NDST1: variants seen among roughly 807,000 people sequenced by gnomAD.
The protein encoded by NDST1 is bifunctional heparan sulfate N-deacetylase/N-sulfotransferase 1.
Under a neutral mutation model 92.8 loss-of-function variants are expected in NDST1, and 35 were observed. The ratio of observed to expected loss-of-function variants is 0.38; its 90% CI spans 0.29 to 0.50. The LOEUF is 0.50. NDST1 is among the 20% of genes least tolerant of loss of function. NDST1 has a pLI of 0.94. For synonymous variants in NDST1, 493 were observed against 500.3 expected, an observed-to-expected ratio of 0.99 and a Z score of 0.19; for missense variants, 822 against 1,182.7, an observed-to-expected ratio of 0.69 and a Z score of 4.47.
intron 1 of NDST1, among the ~76,000 whole-genome samples, chr5:150,502,062 C>T (rs1184270545): frequency 1.3e-5 from 2 of 152,178 alleles, no homozygotes; most frequent in Non-Finnish European, 2.9e-5. Context: ...CATGTGGAGA[C>T]AGGTAGGGCC....
At chr5:150,547,214 C>T (rs1755526620) in intron 11 of NDST1, among the ~76,000 whole-genome samples, 2 of 152,112 alleles carry the variant, frequency 1.3e-5, no homozygotes, top group African/African-American at 2.4e-5. Context: ...CTTTTTCTGT[C>T]CATGATCAAG....
chr5:150,537,949 C>T (rs746228235), intron 6 of NDST1, among the ~76,000 whole-genome samples: 6 of 152,128 alleles, frequency 3.9e-5, no homozygotes, highest in Non-Finnish European at 7.3e-5. Context: ...TGGTTTCCCC[C>T]AATACATGTG....
In NDST1 at chr5:150,521,699, G is replaced by A. The variant is rs375384137; in HGVS notation, c.445G>A (p.Ala149Thr). 18 of 1,614,052 alleles carry A rather than the reference G, an allele frequency of 1.1e-5. No individual in the cohort carries two copies. Among genetic ancestry groups the A allele is most frequent in the Non-Finnish European group, 1.5e-5 (18 of 1,180,034 alleles). The change falls in exon 2 of 15, where the codon GCC becomes ACC. Residue 149 changes from alanine to threonine, a missense_variant. Coordinates refer to ENST00000261797, the MANE Select transcript of NDST1 (RefSeq NM_001543.5). The surrounding 1 kb of genome is among the most constrained non-coding windows in gnomAD (Gnocchi z 5.9). ...ENILKYVNLD[A>T]WNRELLDKYC... ...CATCCTCAAGTATGTCAACCTGGAC[G>A]CCTGGAACCGGGAGCTGCTGGACAA...
At chr5:150,523,513 A>G (rs1754332835) in intron 2 of NDST1, among the ~76,000 whole-genome samples, 1 of 152,260 alleles carries the variant, frequency 6.6e-6, no homozygotes, top group Non-Finnish European at 1.5e-5. Context: ...GAGGATAAGC[A>G]ATGTGTCCAA....
intron 3 of NDST1, among the ~76,000 whole-genome samples, chr5:150,529,390 C>CA (rs11418788): frequency 0.37 from 23,912 of 64,358 alleles, 4,677 homozygotes; most frequent in Non-Finnish European, 0.48. Context: ...GACCCTGTCT[C>CA]AAAAAAAAAA....
chr5:150,540,176 C>T lies in NDST1; in HGVS notation c.1661C>T (p.Thr554Met), dbSNP rs2151293810. 1 of 1,614,212 alleles carries T rather than the reference C, an allele frequency of 6.2e-7. No homozygotes were observed. ...KHLVRFLHSW[T>M]NLRLQTLPPV... ...CTGGTGCGCTTCCTGCACTCCTGGACGAACCTCCGGCTGCAGACACTGCCC... is the reference window on the plus strand; with the variant it reads ...CTGGTGCGCTTCCTGCACTCCTGGATGAACCTCCGGCTGCAGACACTGCCC... The change falls in exon 8 of 15, where the codon ACG (threonine) becomes ATG (methionine). Residue 554 changes from threonine (T) to methionine (M), a missense_variant. Coordinates refer to ENST00000261797, the MANE Select transcript of NDST1 (RefSeq NM_001543.5).
In NDST1 at chr5:150,521,050, G is replaced by C; in HGVS notation, c.-205G>C. ...AAGGGGCGCGGAGGAAGGAAGGAGC[G>C]TGACCAGCCTGTGGACTGCGCCCCT... is the stretch of plus-strand genomic sequence containing the variant. On this transcript the variant is annotated 5_prime_UTR_variant, in exon 2 of 15. Transcript: ENST00000261797. The surrounding 1 kb of genome is among the most constrained non-coding windows in gnomAD (Gnocchi z 5.9). 1.7e-6 allele frequency: 1 copy of C among 603,220 alleles called. No homozygotes were observed. Among genetic ancestry groups the C allele is most frequent in the South Asian group, 2.0e-5 (1 of 50,300 alleles). The allele number at this position is 603,220 out of a possible 1,614,324, so 37.4% of individuals were successfully genotyped here.
chr5:150,537,052 G>A (rs1249206831), intron 6 of NDST1, among the ~76,000 whole-genome samples: 1 of 152,248 alleles, frequency 6.6e-6, no homozygotes, highest in African/African-American at 2.4e-5. Flanking sequence ...AACATAAATT[G>A]TGAAGATTTC....
At chr5:150,503,096 G>A (rs751283459) in intron 1 of NDST1, among the ~76,000 whole-genome samples, 1 of 152,132 alleles carries the variant, frequency 6.6e-6, no homozygotes, top group Non-Finnish European at 1.5e-5. Flanking sequence ...AAATGGGCCA[G>A]TGATAGTACC....
rs1308653415 is a variant in NDST1, at chr5:150,556,663, T to A, written c.*3331T>A. On this transcript the variant is annotated 3_prime_UTR_variant, in exon 15 of 15. Transcript: ENST00000261797. ...ACATTGCAAACATCATGAAACTTGA[T>A]CCCTGAAAGCTTCAGCCTGCATCTC... 1.3e-5 allele frequency: 2 copies of A among 152,238 alleles called. No individual in the cohort carries two copies. The highest frequency in any genetic ancestry group is 2.9e-5 in the Non-Finnish European group (2 of 68,056). The allele number at this position is 152,238 out of a possible 1,614,324, so 9.4% of individuals were successfully genotyped here.
Position 150,541,578 on chromosome 5 carries a change from C to T in NDST1, c.1758C>T (p.Cys586=), listed in dbSNP as rs112616379. ...EEKDPLWQDP[C]EDKRHKDIWS... is the part of the protein sequence containing the mutation. The stretch of plus-strand genomic sequence containing the variant: ...TTCCACTGTTGTTTTAGGACCCCTG[C>T]GAGGACAAACGTCACAAAGACATCT... The change falls in exon 9 of 15, where the codon TGC becomes TGT. Residue 586 remains cysteine (C), a synonymous_variant. Coordinates refer to ENST00000261797, the MANE Select transcript of NDST1 (RefSeq NM_001543.5). The T allele has an allele frequency of 6.9e-5, 112 of 1,614,184 alleles. 2 individuals carry two copies. The highest frequency in any genetic ancestry group is 5.5e-4 in the South Asian group (50 of 91,080).
intron 2 of NDST1, among the ~76,000 whole-genome samples, chr5:150,526,635 G>A (rs1348734109): frequency 6.6e-6 from 1 of 152,130 alleles, no homozygotes. Flanking sequence ...ATATAATATT[G>A]CAGCTGAGGT....
At chr5:150,502,316 A>T (rs1004601444) in intron 1 of NDST1, among the ~76,000 whole-genome samples, 1 of 152,102 alleles carries the variant, frequency 6.6e-6, no homozygotes, top group Non-Finnish European at 1.5e-5. Context: ...ATTTTGCAGG[A>T]TGAGCTGATG....
At chr5:150,536,026 AC>A (rs1434180715) in intron 6 of NDST1, 141 bp downstream of exon 6, 2 of 997,072 alleles carry the variant, frequency 2.0e-6, no homozygotes, top group African/African-American at 1.6e-5. Context: ...CTCCTCTGGC[AC>A]CCGAGGCTCT....
At chr5:150,524,455 T>G (rs948439359) in intron 2 of NDST1, among the ~76,000 whole-genome samples, 1 of 152,238 alleles carries the variant, frequency 6.6e-6, no homozygotes, top group African/African-American at 2.4e-5. Context: ...GCCTCAACCT[T>G]GAAATTCCAG....
Position 150,553,500 on chromosome 5 carries a change from C to T in NDST1, c.*168C>T. The T allele has an allele frequency of 1.1e-6, 1 of 874,688 alleles. No individual in the cohort carries two copies. The highest frequency in any genetic ancestry group is 1.8e-6 in the Non-Finnish European group (1 of 541,834). 54.2% of individuals were successfully genotyped at this position (874,688 alleles called of 1,614,324 possible). A position where few individuals can be genotyped will look rare whatever the true frequency, so the allele number is the denominator to read the frequency against. ...GGGAGCACCCAGGCGGATCTGCAAGCACCTCGGAGCACCCACCGCTGGGTC... is the reference window on the plus strand; with the variant it reads ...GGGAGCACCCAGGCGGATCTGCAAGTACCTCGGAGCACCCACCGCTGGGTC... On this transcript the variant is annotated 3_prime_UTR_variant, in exon 15 of 15. Coordinates refer to ENST00000261797, the MANE Select transcript of NDST1 (RefSeq NM_001543.5). The surrounding 1 kb of genome is among the most constrained non-coding windows in gnomAD (Gnocchi z 4.2).
At chr5:150,545,990 T>TC (rs1280142821) in intron 11 of NDST1, among the ~76,000 whole-genome samples, 1 of 126,010 alleles carries the variant, frequency 7.9e-6, no homozygotes, top group East Asian at 2.5e-4. Flanking sequence ...ACCAGAGCTG[T>TC]CTTTTTTTTT....
chr5:150,521,460 C>T lies in NDST1; in HGVS notation c.206C>T (p.Pro69Leu), dbSNP rs750456010. ...CCTGTGGCCCCCAGTCGCCTGCTGC[C>T]ACTCAAGCCTGTGCAGGCAGCCACC... Reference protein sequence around the residue: ...PPPVAPSRLLPLKPVQAATPS... With the variant: ...PPPVAPSRLLLLKPVQAATPS... The change falls in exon 2 of 15, where the codon CCA becomes CTA. Residue 69 changes from proline (P) to leucine (L), a missense_variant. Pro to Leu is a moderately conservative substitution (Grantham distance 98, BLOSUM62 -3). Coordinates refer to ENST00000261797, the MANE Select transcript of NDST1 (RefSeq NM_001543.5). The surrounding 1 kb of genome is among the most constrained non-coding windows in gnomAD (Gnocchi z 5.9). 19 of 1,613,626 alleles carry T rather than the reference C, an allele frequency of 1.2e-5. No individual in the cohort carries two copies. The East Asian group carries it at 3.8e-4, about 32-fold the overall frequency.
chr5:150,536,823 C>G (rs1301711186), intron 6 of NDST1, among the ~76,000 whole-genome samples: 1 of 152,222 alleles, frequency 6.6e-6, no homozygotes, highest in Non-Finnish European at 1.5e-5. Flanking sequence ...CCTTGGCCTC[C>G]CAAAGTGCCA....
Sources: allele counts gnomAD v4.1 joint callset (sites outside exome capture counted in the v4.1 genomes callset), GRCh38; gene constraint gnomAD v4.1.1; non-coding constraint Gnocchi (gnomAD v3.1); transcripts MANE v1.5; gene names NCBI Gene and HGNC (gene_info 2026-07-23, HGNC 2026-07-21).